Variants in PCDHGA8 observed in about 807,000 individuals in gnomAD.
The protein encoded by PCDHGA8 is protocadherin gamma-A8.
In PCDHGA8, 45 loss-of-function variants were observed where a neutral mutation model predicts 59.2. The observed-to-expected ratio is 0.76, with a 90% CI of 0.60 to 0.98. The LOEUF (loss-of-function observed/expected upper bound fraction) is 0.98. Among genes scored for constraint, PCDHGA8 ranks in the 50% least tolerant of loss-of-function variants. The probability of loss-of-function intolerance (pLI) is 0.00; values close to 1 mark genes in which losing one functional copy is unlikely to be tolerated. For synonymous variants in PCDHGA8, 531 were observed against 519.0 expected, an observed-to-expected ratio of 1.02 and a Z score of -0.32; for missense variants, 1,257 against 1,196.2, an observed-to-expected ratio of 1.05 and a Z score of -0.75.
chr5:141,395,556 G>A (rs1041230837), intron 1 of PCDHGA8: 1 of 97,434 alleles, frequency 1.0e-5, no homozygotes, highest in East Asian at 1.8e-4. Context: ...GTGTGTGTGT[G>A]TGTGTGTGTG....
chr5:141,489,428 G>A lies in PCDHGA8; in HGVS notation c.2425-5379G>A, dbSNP rs561792279. The A allele has an allele frequency of 2.5e-5, 40 of 1,614,112 alleles. No homozygotes were observed. In the Middle Eastern group the frequency reaches 4.9e-4, roughly 20 times the overall value. ...AAGATGACAGATCTGTTGAGCCGGC[G>A]GCTGCAATTGGGCTCTGAGGAGAAT... On this transcript the variant is annotated intron_variant, in intron 1 of 3. Transcript: ENST00000398604. This position sits in a 1 kb window ranked among gnomAD's most constrained non-coding sequence, Gnocchi z 4.5.
intron 2 of PCDHGA8, among the ~76,000 whole-genome samples, chr5:141,499,022 A>C (rs1244590420): frequency 2.7e-5 from 4 of 150,722 alleles, no homozygotes; most frequent in Admixed American, 2.0e-4. Context: ...GGAAGGAAGG[A>C]AGGAAGAAAA....
chr5:141,432,611 T>C lies in PCDHGA8; in HGVS notation c.2424+37374T>C, dbSNP rs141541670. On this transcript the variant is annotated intron_variant, in intron 1 of 3. Transcript: ENST00000398604. This position sits in a 1 kb window ranked among gnomAD's most constrained non-coding sequence, Gnocchi z 6.0. ...CAAGGCCAGCGAGCCGGGACTCTTC[T>C]CGGTGGGTCTGCACACGGGCGAGGT... The C allele has an allele frequency of 2.5e-6, 4 of 1,613,860 alleles. No homozygotes were observed. In the South Asian group the frequency reaches 4.4e-5, roughly 18 times the overall value.
intron 1 of PCDHGA8, chr5:141,441,743 C>G (rs1298220876): frequency 2.7e-6 from 1 of 367,284 alleles, no homozygotes; most frequent in Non-Finnish European, 5.4e-6. Flanking sequence ...AGCTCGCGCT[C>G]GGCGTCAACG....
intron 1 of PCDHGA8, chr5:141,428,275 G>A (rs566455986): frequency 6.5e-6 from 5 of 767,218 alleles, no homozygotes; most frequent in African/African-American, 3.4e-5. Context: ...TGTGCCCTCT[G>A]ATTCCCAAGC....
chr5:141,490,688 CTG>C lies in PCDHGA8; in HGVS notation c.2425-4118_2425-4117del. 6.2e-7 allele frequency: 1 copy of C among 1,614,218 alleles called. No homozygotes were observed. On this transcript the variant is annotated intron_variant, in intron 1 of 3. Coordinates refer to ENST00000398604, the MANE Select transcript of PCDHGA8 (RefSeq NM_032088.2). This position sits in a 1 kb window ranked among gnomAD's most constrained non-coding sequence, Gnocchi z 5.4. ...ACTGTGGCTGCCTCAGATCCAGACA[CTG>C]GGGATAATGCCCGCCTCACCTACTC... is the stretch of plus-strand genomic sequence containing the variant.
At chr5:141,419,422 C>T (rs374564347) in intron 1 of PCDHGA8, 9 of 1,613,378 alleles carry the variant, frequency 5.6e-6, no homozygotes, top group Non-Finnish European at 7.6e-6. Flanking sequence ...GCGCCTTCGA[C>T]CACGAGCAGC....
At chr5:141,435,925 A>G (rs978837252) in intron 1 of PCDHGA8, among the ~76,000 whole-genome samples, 16 of 152,166 alleles carry the variant, frequency 1.1e-4, no homozygotes, top group Non-Finnish European at 1.5e-5. Context: ...AAAATGCGGC[A>G]GTTGCTGCTT....
rs576983336 is a variant in PCDHGA8, at chr5:141,489,165, G to A, written c.2425-5642G>A. 5.8e-4 allele frequency: 625 copies of A among 1,082,080 alleles called. 8 individuals are homozygous for A. The South Asian group carries it at 7.9e-3, about 14-fold the overall frequency. The allele number at this position is 1,082,080 out of a possible 1,614,324, so 67.0% of individuals were successfully genotyped here. On this transcript the variant is annotated intron_variant, in intron 1 of 3. Transcript: ENST00000398604. The surrounding 1 kb of genome is among the most constrained non-coding windows in gnomAD (Gnocchi z 4.5). ...GAAGGAGACATAAGAGACTTCAGCT[G>A]CTGCATTCCAAGCCCTGGGTCTACC...
intron 1 of PCDHGA8, chr5:141,416,401 T>C (rs2096020867): frequency 6.6e-6 from 1 of 152,204 alleles, no homozygotes; most frequent in African/African-American, 2.4e-5. Context: ...TGCTTTTGTC[T>C]TTTTTGTTAA....
chr5:141,480,265 A>G (rs1041908141), intron 1 of PCDHGA8, among the ~76,000 whole-genome samples: 2 of 151,784 alleles, frequency 1.3e-5, no homozygotes, highest in African/African-American at 2.4e-5. Context: ...ATGTGTTTTC[A>G]TTAGCTGGGT....
intron 1 of PCDHGA8, among the ~76,000 whole-genome samples, chr5:141,472,026 G>C (rs2099269805): frequency 6.6e-6 from 1 of 152,108 alleles, no homozygotes; most frequent in Non-Finnish European, 1.5e-5. Context: ...ATTGTATGTA[G>C]AAAGCTGTGA....
intron 1 of PCDHGA8, among the ~76,000 whole-genome samples, chr5:141,438,591 CAT>C (rs946798767): frequency 2.9e-3 from 219 of 75,538 alleles, no homozygotes; most frequent in Middle Eastern, 0.016. Context: ...TACATACATA[CAT>C]ATATATATAT....
In PCDHGA8 at chr5:141,394,449, A is replaced by G. The variant is rs773696678; in HGVS notation, c.1636A>G (p.Met546Val). 4 of 1,614,112 alleles carry G rather than the reference A, an allele frequency of 2.5e-6. No individual in the cohort carries two copies. Among genetic ancestry groups the G allele is most frequent in the Admixed American group, 1.7e-5 (1 of 60,004 alleles). ...CGGGGACCCGCCCCTCAGCAGCAAC[A>G]TGTCACTGAGCCTGTTCGTGCTGGA... is the stretch of plus-strand genomic sequence containing the variant. ...DSGDPPLSSN[M>V]SLSLFVLDQN... is the part of the protein sequence containing the mutation. The change falls in exon 1 of 4, where the codon ATG becomes GTG. Residue 546 changes from methionine to valine, a missense_variant. By Grantham distance (21) the Met-to-Val change is conservative. Coordinates refer to ENST00000398604, the MANE Select transcript of PCDHGA8 (RefSeq NM_032088.2).
At chr5:141,481,357 G>A (rs1399668487) in intron 1 of PCDHGA8, among the ~76,000 whole-genome samples, 1 of 152,176 alleles carries the variant, frequency 6.6e-6, no homozygotes, top group Non-Finnish European at 1.5e-5. Context: ...ATCTACAGCT[G>A]TTCAATAGAT....
At chr5:141,446,657 A>G (rs2098510367) in intron 1 of PCDHGA8, among the ~76,000 whole-genome samples, 1 of 152,092 alleles carries the variant, frequency 6.6e-6, no homozygotes, top group African/African-American at 2.4e-5. Context: ...TTGTATTTTT[A>G]GTACAAGACA....
chr5:141,442,716 G>A (rs1367250926), intron 1 of PCDHGA8, among the ~76,000 whole-genome samples: 1 of 152,206 alleles, frequency 6.6e-6, no homozygotes, highest in East Asian at 1.9e-4. Context: ...ACATGCCAGA[G>A]CATTTGGGGC....
At chr5:141,473,939 C>T (rs1301939679) in intron 1 of PCDHGA8, among the ~76,000 whole-genome samples, 2 of 152,068 alleles carry the variant, frequency 1.3e-5, no homozygotes, top group African/African-American at 2.4e-5. Context: ...TGCAGTAGCT[C>T]AGGCCTGTAG....
chr5:141,417,791 C>G, intron 1 of PCDHGA8: 1 of 1,482,658 alleles, frequency 6.7e-7, no homozygotes, highest in Non-Finnish European at 9.0e-7. Context: ...GCCGAATGCT[C>G]TTTTAGCGCG....
Sources: allele counts gnomAD v4.1 joint callset (sites outside exome capture counted in the v4.1 genomes callset), GRCh38; gene constraint gnomAD v4.1.1; non-coding constraint Gnocchi (gnomAD v3.1); transcripts MANE v1.5; gene names NCBI Gene and HGNC (gene_info 2026-07-23, HGNC 2026-07-21).